ADGRF5: variants seen among roughly 807,000 people sequenced by gnomAD.
ADGRF5 encodes adhesion G protein-coupled receptor F5.
Under a neutral mutation model 132.3 loss-of-function variants are expected in ADGRF5, and 75 were observed. That is an observed-to-expected ratio of 0.57 (90% CI 0.47 to 0.69). ADGRF5 has a LOEUF of 0.69. Among genes scored for constraint, ADGRF5 ranks in the 30% least tolerant of loss-of-function variants. The pLI, the probability that ADGRF5 is intolerant of heterozygous loss-of-function variation, is 0.00. For synonymous variants in ADGRF5, 629 were observed against 597.6 expected (o/e 1.05, Z -0.77); for missense variants, 1,516 against 1,630.6 (o/e 0.93, Z 1.21).
At chr6:46,949,727 G>A (rs370165191) in intron 1 of ADGRF5, among the ~76,000 whole-genome samples, 23 of 152,336 alleles carry the variant, frequency 1.5e-4, no homozygotes, top group African/African-American at 5.3e-4. Flanking sequence ...AAAGCTCTGA[G>A]TCTTGCTGTT....
At chr6:46,854,366 G>A (rs1361099870) in intron 20 of ADGRF5, among the ~76,000 whole-genome samples, 1 of 152,202 alleles carries the variant, frequency 6.6e-6, no homozygotes, top group Non-Finnish European at 1.5e-5. Context: ...CCCTGCACAT[G>A]CCATCACATG....
rs1444929906 is a variant in ADGRF5, at chr6:46,852,660, A to G, written c.*1332T>C. 6 of 151,152 alleles carry G rather than the reference A, an allele frequency of 4.0e-5. No individual in the cohort carries two copies. In the East Asian group the frequency reaches 1.2e-3, roughly 29 times the overall value. 9.4% of individuals were successfully genotyped at this position (151,152 alleles called of 1,614,324 possible). ...CCAAAAAAAAGCACACATGCAGATA[A>G]TTCACAAACAATCAAATCCTTGGGA... On this transcript the variant is annotated 3_prime_UTR_variant, in exon 21 of 21. Coordinates refer to ENST00000283296, the MANE Select transcript of ADGRF5 (RefSeq NM_001098518.2).
chr6:46,888,636 T>C, intron 3 of ADGRF5, 131 bp from the exon 4 acceptor site: 1 of 652,042 alleles, frequency 1.5e-6, no homozygotes, highest in Non-Finnish European at 2.7e-6. Context: ...CTTAGGAATT[T>C]CTAATGAAAT....
At chr6:46,905,223 A>C (rs45508591) in intron 2 of ADGRF5, 2,011 of 152,374 alleles carry the variant, frequency 0.013, 69 homozygotes, top group South Asian at 0.13. Context: ...GTGAATTCAC[A>C]AGAAGCTTAA....
intron 5 of ADGRF5, among the ~76,000 whole-genome samples, 183 bp downstream of exon 5, chr6:46,883,912 T>C (rs1772772296): frequency 6.6e-6 from 1 of 152,172 alleles, no homozygotes. Flanking sequence ...CAGCTAATTT[T>C]TGCATTTTTA....
At chr6:46,922,989 C>T (rs577713377), upstream of ADGRF5, among the ~76,000 whole-genome samples, 35 of 152,292 alleles carry the variant, frequency 2.3e-4, no homozygotes, top group South Asian at 4.1e-3. Context: ...TCCAGTGGCG[C>T]GATCTTGGCT....
chr6:46,916,311 G>A (rs1224594577), intron 1 of ADGRF5, among the ~76,000 whole-genome samples: 7 of 152,002 alleles, frequency 4.6e-5, no homozygotes, highest in East Asian at 1.9e-4. Flanking sequence ...TCAGATCATC[G>A]AAAACTGAAC....
intron 1 of ADGRF5, among the ~76,000 whole-genome samples, chr6:46,912,852 TA>T (rs1054496651): frequency 4.6e-5 from 7 of 151,830 alleles, no homozygotes; most frequent in Admixed American, 4.6e-4. Context: ...CTTCGCTGAT[TA>T]AAAAAAATGC....
At position 46,920,882 on chromosome 6, in the gene ADGRF5, T is replaced by C. The variant is rs530281986; in HGVS notation, c.-25+831A>G. ...CATCTCAAAAAAATAAAAATAAAAA[T>C]AAAATCTATTTAGAGATATTCTTTT... On this transcript the variant is annotated intron_variant, in intron 1 of 20. Coordinates refer to ENST00000283296, the MANE Select transcript of ADGRF5 (RefSeq NM_001098518.2). Among the ~76,000 whole-genome samples the C allele has an allele frequency of 5.3e-5, 8 of 152,106 alleles. No homozygotes were observed. The South Asian group carries it at 1.7e-3, about 32-fold the overall frequency.
intron 11 of ADGRF5, among the ~76,000 whole-genome samples, chr6:46,870,624 A>G (rs1312212114): frequency 1.3e-5 from 2 of 152,114 alleles, no homozygotes; most frequent in African/African-American, 4.8e-5. Flanking sequence ...ATGGCTCTCT[A>G]AGGCTTAGCT....
At chr6:46,921,115 A>G (rs1776894857) in intron 1 of ADGRF5, among the ~76,000 whole-genome samples, 1 of 152,186 alleles carries the variant, frequency 6.6e-6, no homozygotes, top group Non-Finnish European at 1.5e-5. Flanking sequence ...CTGAAGCCCC[A>G]GCACTTTTAC....
intron 1 of ADGRF5, among the ~76,000 whole-genome samples, chr6:46,940,779 A>G (rs1479223567): frequency 6.6e-6 from 1 of 152,218 alleles, no homozygotes; most frequent in Non-Finnish European, 1.5e-5. Flanking sequence ...CCCCTTACAG[A>G]CAAAAATGAA....
chr6:46,876,156 A>G (rs1702759903), intron 10 of ADGRF5, among the ~76,000 whole-genome samples: 1 of 152,250 alleles, frequency 6.6e-6, no homozygotes, highest in Non-Finnish European at 1.5e-5. Context: ...GAGAGGAAGC[A>G]GCAAGGGCAG....
At chr6:46,930,673 C>T (rs543193740) in intron 1 of ADGRF5, among the ~76,000 whole-genome samples, 1 of 152,310 alleles carries the variant, frequency 6.6e-6, no homozygotes, top group East Asian at 1.9e-4. Flanking sequence ...TTTCTCACTC[C>T]TTGAAATGGC....
At chr6:46,944,133 A>G (rs1001334288) in intron 1 of ADGRF5, among the ~76,000 whole-genome samples, 1 of 152,194 alleles carries the variant, frequency 6.6e-6, no homozygotes, top group African/African-American at 2.4e-5. Context: ...GGTTTCATGG[A>G]AGACAAGTTT....
At chr6:46,930,119 C>CCT in intron 1 of ADGRF5, among the ~76,000 whole-genome samples, 1 of 150,600 alleles carries the variant, frequency 6.6e-6, no homozygotes, top group African/African-American at 2.4e-5. Context: ...CCGCGCCCAG[C>CCT]CTCCAGGGCC....
intron 1 of ADGRF5, among the ~76,000 whole-genome samples, chr6:46,921,241 G>A (rs973210782): frequency 1.3e-5 from 2 of 152,148 alleles, no homozygotes; most frequent in South Asian, 2.1e-4. Flanking sequence ...GGACTCTCCC[G>A]AAGCTGAGCG....
intron 1 of ADGRF5, chr6:46,954,731 T>C (rs2113852967): frequency 6.6e-6 from 1 of 152,302 alleles, no homozygotes; most frequent in Admixed American, 6.5e-5. Flanking sequence ...TGCAGGTACC[T>C]ACCTTTCTCT....
chr6:46,947,336 C>A (rs1201663508), intron 1 of ADGRF5, among the ~76,000 whole-genome samples: 1 of 152,106 alleles, frequency 6.6e-6, no homozygotes, highest in Non-Finnish European at 1.5e-5. Context: ...CTGGTCTGAC[C>A]AATGATGGCT....
Sources: gnomAD v4.1 joint callset for allele counts (sites outside exome capture counted in the v4.1 genomes callset) on GRCh38, gnomAD v4.1.1 for gene constraint, MANE v1.5 for transcripts, NCBI Gene and HGNC (gene_info 2026-07-23, HGNC 2026-07-21) for gene names.